Variants in KLK14 observed in about 807,000 individuals in gnomAD.
KLK14 encodes kallikrein related peptidase 14.
Under a neutral mutation model 24.6 loss-of-function variants are expected in KLK14, and 21 were observed. That is an observed-to-expected ratio of 0.85 (90% CI 0.61 to 1.23). The LOEUF is 1.23. KLK14 is among the 50% of genes most tolerant of loss of function. KLK14 has a pLI of 0.00. For missense variants in KLK14, 320 were observed against 338.9 expected, an observed-to-expected ratio of 0.94 and a Z score of 0.44; for synonymous variants, 133 against 139.7, an observed-to-expected ratio of 0.95 and a Z score of 0.34.
At chr19:51,081,503 G>C (rs1341659892) in intron 3 of KLK14, 29 bp downstream of exon 3, 2 of 1,478,088 alleles carry the variant, frequency 1.4e-6, no homozygotes, top group South Asian at 2.7e-5. Flanking sequence ...AATTCACTAG[G>C]TACAGGGACA....
At chr19:51,079,372 G>C (rs926617279) in intron 4 of KLK14, 77 bp downstream of exon 4, 1 of 1,415,848 alleles carries the variant, frequency 7.1e-7, no homozygotes, top group Admixed American at 2.4e-5. Flanking sequence ...AGGAGCCCCA[G>C]TCCCCCCAGC....
Position 51,079,657 on chromosome 19 carries a change from C to T in KLK14, c.258G>A (p.Glu86=), listed in dbSNP as rs975599948. 1.3e-6 allele frequency: 2 copies of T among 1,588,356 alleles called. No homozygotes were observed. Among genetic ancestry groups the T allele is most frequent in the Non-Finnish European group, 8.6e-7 (1 of 1,167,040 alleles). Residue 86 remains glutamate (E), a synonymous_variant, in exon 4 of 6, where the codon GAG becomes GAA. Transcript: ENST00000650543. The part of the protein sequence containing the change: ...ALGKHNLRRW[E]ATQQVLRVVR... ...CCACGCGCAGCACCTGCTGGGTGGC[C>T]TCCCACCTCCTCAGGTTGTGCTTGC... is the stretch of plus-strand genomic sequence containing the variant.
chr19:51,082,877 A>T lies in KLK14; in HGVS notation c.-178T>A. ...GATGTCTTGATGAAGGAAGGAGGGGAGGTGTCTCTCTTCCTAGTCACACTG... is the reference window on the plus strand; with the variant it reads ...GATGTCTTGATGAAGGAAGGAGGGGTGGTGTCTCTCTTCCTAGTCACACTG... On this transcript the variant is annotated 5_prime_UTR_variant, in exon 1 of 6. Coordinates refer to ENST00000650543, the MANE Select transcript of KLK14 (RefSeq NM_001369775.2). 9.7e-7 allele frequency: 1 copy of T among 1,031,188 alleles called. No homozygotes were observed. Among genetic ancestry groups the T allele is most frequent in the Non-Finnish European group, 1.4e-6 (1 of 691,898 alleles). 63.9% of individuals were successfully genotyped at this position (1,031,188 alleles called of 1,614,324 possible).
At position 51,078,146 on chromosome 19, in the gene KLK14, C is replaced by A; in HGVS notation, c.617G>T (p.Gly206Val). The change falls in exon 6 of 6, where the codon GGA becomes GTA. Residue 206 changes from glycine (G) to valine (V), a missense_variant. Gly to Val is a moderately radical substitution (Grantham distance 109). Coordinates refer to ENST00000650543, the MANE Select transcript of KLK14 (RefSeq NM_001369775.2). This position sits in a 1 kb window ranked among gnomAD's most constrained non-coding sequence, Gnocchi z 5.0. Reference protein sequence around the residue: ...GKDSCQGDSGGPLVCRGQLQG... With the variant: ...GKDSCQGDSGVPLVCRGQLQG... ...GAGCTGTCCTCTGCACACCAGGGGT[C>A]CCCCAGAGTCACCCTGAGGGGGAGG... 6.2e-7 allele frequency: 1 copy of A among 1,613,558 alleles called. No individual in the cohort carries two copies. The highest frequency in any genetic ancestry group is 8.5e-7 in the Non-Finnish European group (1 of 1,179,792).
chr19:51,081,545 G>A lies in KLK14; in HGVS notation c.199C>T (p.His67Tyr). 1 of 1,532,584 alleles carries A rather than the reference G, an allele frequency of 6.5e-7. No individual in the cohort carries two copies. Among genetic ancestry groups the A allele is most frequent in the Admixed American group, 2.0e-5 (1 of 48,876 alleles). 94.9% of individuals were successfully genotyped at this position (1,532,584 alleles called of 1,614,324 possible). A position where few individuals can be genotyped will look rare whatever the true frequency, so the allele number is the denominator to read the frequency against. Residue 67 changes from histidine (H) to tyrosine (Y), a missense_variant, in exon 3 of 6, where the codon CAC becomes TAC. Physicochemically the swap from His to Tyr is moderately conservative, Grantham distance 83. Transcript: ENST00000650543. Reference sequence around the variant, plus strand: ...GGGGTCACTTACGGGCGGCCGCAGTGAGCAGCAGTGATGACCCACTGGCCT... The same window carrying A: ...GGGGTCACTTACGGGCGGCCGCAGTAAGCAGCAGTGATGACCCACTGGCCT... ...LSGQWVITAAHCGRPILQVAL... is the reference protein window; with the variant it reads ...LSGQWVITAAYCGRPILQVAL...
At position 51,081,694 on chromosome 19, in the gene KLK14, T is replaced by C. The variant is rs35287116; in HGVS notation, c.50A>G (p.Gln17Arg). The C allele has an allele frequency of 0.38, 587,439 of 1,538,846 alleles. 118,332 individuals carry two copies. The highest frequency in any genetic ancestry group is 0.62 in the African/African-American group (44,981 of 72,770). ...TATCTTGTTCTCATCCTCTTGGCTC[T>C]GTGTCATGGCTAGGAGTGGACAGGA... ...ALQVLAIAMT[Q>R]SQEDENKIIG... The change falls in exon 3 of 6, where the codon CAG becomes CGG. Residue 17 changes from glutamine (Q) to arginine (R), a missense_variant. Physicochemically the swap from Gln to Arg is conservative, Grantham distance 43. Transcript: ENST00000650543.
chr19:51,083,426 C>G (rs1377315278), upstream of KLK14, among the ~76,000 whole-genome samples: 1 of 137,100 alleles, frequency 7.3e-6, no homozygotes, highest in Non-Finnish European at 1.6e-5. Context: ...GAGAGAGAGC[C>G]AGACAGAGAG....
rs566411431 is a variant in KLK14, at chr19:51,080,531, T to C, written c.213-829A>G. Among the ~76,000 whole-genome samples, 4 of 152,342 alleles carry C rather than the reference T, an allele frequency of 2.6e-5. No individual in the cohort carries two copies. The South Asian group carries it at 8.3e-4, about 32-fold the overall frequency. On this transcript the variant is annotated intron_variant, in intron 3 of 5. Coordinates refer to ENST00000650543, the MANE Select transcript of KLK14 (RefSeq NM_001369775.2). ...GGCCTGAGCTTTGATCTCTAGGTTC[T>C]AGACTGACCTGTTTATGGCATAGAT... is the stretch of plus-strand genomic sequence containing the variant.
At chr19:51,084,068 G>A (rs529997233), upstream of KLK14, 1 of 152,796 alleles carries the variant, frequency 6.5e-6, no homozygotes, top group African/African-American at 2.4e-5. Context: ...AGATGGAGAG[G>A]AGGGGTGGGA....
In KLK14 at chr19:51,078,819, C is replaced by G. The variant is rs777630751; in HGVS notation, c.599G>C (p.Cys200Ser). ...AGCTCCCATCCTGGGCCTTACCTGA[C>G]AAGAGTCCTTCCCGCCCTGGGGAAC... is the stretch of plus-strand genomic sequence containing the variant. The part of the protein sequence containing the change: ...AGVPQGGKDS[C>S]QGDSGGPLVC... The change falls in exon 5 of 6, where the codon TGT becomes TCT. Residue 200 changes from cysteine (C) to serine (S), a missense_variant. Transcript: ENST00000650543. The surrounding 1 kb of genome is among the most constrained non-coding windows in gnomAD (Gnocchi z 5.0). 5.0e-6 allele frequency: 8 copies of G among 1,613,556 alleles called. No individual in the cohort carries two copies. The highest frequency in any genetic ancestry group is 6.8e-6 in the Non-Finnish European group (8 of 1,179,678).
At position 51,079,948 on chromosome 19, in the gene KLK14, A is replaced by C. The variant is rs114516978; in HGVS notation, c.213-246T>G. Among the ~76,000 whole-genome samples the C allele has an allele frequency of 1.5e-4, 23 of 152,208 alleles. No individual in the cohort carries two copies. The South Asian group carries it at 4.8e-3, about 32-fold the overall frequency. On this transcript the variant is annotated intron_variant, in intron 3 of 5. Coordinates refer to ENST00000650543, the MANE Select transcript of KLK14 (RefSeq NM_001369775.2). ...GGCTCCAGCTCCTGGCTTGGGAAGA[A>C]GGTGATGATTGGGAGAGCTTGGCTC... is the stretch of plus-strand genomic sequence containing the variant.
Position 51,078,986 on chromosome 19 carries a change from C to A in KLK14, c.467-35G>T. The A allele has an allele frequency of 6.2e-7, 1 of 1,609,002 alleles. No individual in the cohort carries two copies. Among genetic ancestry groups the A allele is most frequent in the South Asian group, 1.1e-5 (1 of 90,530 alleles). On this transcript the variant is annotated intron_variant, in intron 4 of 5. Transcript: ENST00000650543. The surrounding 1 kb of genome is among the most constrained non-coding windows in gnomAD (Gnocchi z 5.0). The stretch of plus-strand genomic sequence containing the variant: ...ACTGCAGGGTTATAACTGGGTCTAC[C>A]CTCCCATAAGACCCAAGGGTCCAGG...
chr19:51,079,813 T>A, intron 3 of KLK14, 111 bp from the exon 4 acceptor site: 1 of 1,433,062 alleles, frequency 7.0e-7, no homozygotes, highest in Non-Finnish European at 9.2e-7. Flanking sequence ...AGGTCTAGCC[T>A]GCTTCTCACT....
chr19:51,078,881 A>G lies in KLK14; in HGVS notation c.537T>C (p.Tyr179=). 6.2e-7 allele frequency: 1 copy of G among 1,614,014 alleles called. No individual in the cohort carries two copies. The highest frequency in any genetic ancestry group is 1.1e-5 in the South Asian group (1 of 91,086). ...ISPDEVCQKA[Y]PRTITPGMVC... ...CCATGCCAGGCGTGATGGTTCTAGG[A>G]TAGGCCTTCTGGCACACCTCATCCG... Residue 179 remains tyrosine, a synonymous_variant, in exon 5 of 6, where the codon TAT becomes TAC. Transcript: ENST00000650543. This position sits in a 1 kb window ranked among gnomAD's most constrained non-coding sequence, Gnocchi z 5.0.
At position 51,078,908 on chromosome 19, in the gene KLK14, G is replaced by A; in HGVS notation, c.510C>T (p.Ser170=). ...ASLQCVNINI[S]PDEVCQKAYP... ...AGGCCTTCTGGCACACCTCATCCGG[G>A]GAGATGTTGATGTTCACGCATTGCA... The change falls in exon 5 of 6, where the codon TCC becomes TCT. Residue 170 remains serine (S), a synonymous_variant. Transcript: ENST00000650543. This position sits in a 1 kb window ranked among gnomAD's most constrained non-coding sequence, Gnocchi z 5.0. 6.2e-7 allele frequency: 1 copy of A among 1,614,034 alleles called. No individual in the cohort carries two copies. The highest frequency in any genetic ancestry group is 1.1e-5 in the South Asian group (1 of 91,088).
At chr19:51,081,393 C>T (rs953216686) in intron 3 of KLK14, 139 bp downstream of exon 3, 3 of 731,512 alleles carry the variant, frequency 4.1e-6, no homozygotes, top group Non-Finnish European at 3.9e-6. Context: ...TGTTTTTGTT[C>T]CAGGCTCTTC....
In KLK14 at chr19:51,079,679, T is replaced by C; in HGVS notation, c.236A>G (p.Lys79Arg). Residue 79 changes from lysine (K) to arginine (R), a missense_variant, in exon 4 of 6, where the codon AAG becomes AGG. Coordinates refer to ENST00000650543, the MANE Select transcript of KLK14 (RefSeq NM_001369775.2). ...GGCCTCCCACCTCCTCAGGTTGTGC[T>C]TGCCCAGGGCAACCTGAAGGATCCT... The part of the protein sequence containing the change: ...GRPILQVALG[K>R]HNLRRWEATQ... 3 of 1,570,798 alleles carry C rather than the reference T, an allele frequency of 1.9e-6. No homozygotes were observed. The highest frequency in any genetic ancestry group is 2.6e-6 in the Non-Finnish European group (3 of 1,157,904).
upstream of KLK14, among the ~76,000 whole-genome samples, chr19:51,083,865 C>T (rs577346411): frequency 1.3e-5 from 2 of 152,172 alleles, no homozygotes; most frequent in African/African-American, 4.8e-5. Flanking sequence ...CACAAACACA[C>T]ACAGAACAAC....
In KLK14 at chr19:51,081,516, G is replaced by A; in HGVS notation, c.212+16C>T. The A allele has an allele frequency of 1.3e-6, 2 of 1,495,524 alleles. No homozygotes were observed. Among genetic ancestry groups the A allele is most frequent in the Non-Finnish European group, 1.8e-6 (2 of 1,116,882 alleles). The allele number at this position is 1,495,524 out of a possible 1,614,324, so 92.6% of individuals were successfully genotyped here. On this transcript the variant is annotated intron_variant, in intron 3 of 5. Coordinates refer to ENST00000650543, the MANE Select transcript of KLK14 (RefSeq NM_001369775.2). ...GGAATTCACTAGGTACAGGGACAGG[G>A]GAGGGGGTCACTTACGGGCGGCCGC...
Sources: gnomAD v4.1 joint callset for allele counts (sites outside exome capture counted in the v4.1 genomes callset) on GRCh38, gnomAD v4.1.1 for gene constraint, Gnocchi (gnomAD v3.1) non-coding constraint, MANE v1.5 for transcripts, NCBI Gene and HGNC (gene_info 2026-07-23, HGNC 2026-07-21) for gene names.